The following RBFOX1 variants were observed in gnomAD, a reference collection of about 807,000 sequenced individuals.
RBFOX1 encodes RNA binding protein fox-1 homolog 1.
RBFOX1 carries 8 observed loss-of-function variants against 57.7 expected under a neutral mutation model. The observed-to-expected ratio is 0.14, with a 90% confidence interval of 0.08 to 0.25. The LOEUF (loss-of-function observed/expected upper bound fraction) is 0.25. Ranked by LOEUF, RBFOX1 falls within the 10% of genes least tolerant of loss-of-function variation. The probability of loss-of-function intolerance (pLI) is 1.00; values close to 1 mark genes in which losing one functional copy is unlikely to be tolerated. For synonymous variants in RBFOX1, 326 were observed against 222.4 expected, an observed-to-expected ratio of 1.47 and a Z score of -4.15; for missense variants, 611 against 548.5, an observed-to-expected ratio of 1.11 and a Z score of -1.14.
intron 1 of RBFOX1, among the ~76,000 whole-genome samples, chr16:6,310,580 TC>T (rs1208759562): frequency 3.9e-5 from 6 of 152,248 alleles, no homozygotes; most frequent in African/African-American, 1.4e-4. Context: ...AAACTGAAGC[TC>T]CAAGCGGTCA....
rs111595846 is a variant in RBFOX1 at position 6,632,834 on chromosome 16, G to A, written c.-63-21769G>A. Among the ~76,000 whole-genome samples the A allele has an allele frequency of 2.0e-3, 311 of 152,326 alleles. 6 individuals carry two copies. The highest frequency in any genetic ancestry group is 2.5e-3 in the Non-Finnish European group (168 of 68,034). ...CATTATATTTGCTATTACTGGAGCTGCTCTCTTTTCTTAAAACCTGTTAAC... is the reference window on the plus strand; with the variant it reads ...CATTATATTTGCTATTACTGGAGCTACTCTCTTTTCTTAAAACCTGTTAAC... On this transcript the variant is annotated intron_variant, in intron 2 of 15. Coordinates refer to ENST00000550418, the MANE Select transcript of RBFOX1 (RefSeq NM_018723.4).
intron 3 of RBFOX1, among the ~76,000 whole-genome samples, chr16:5,721,630 A>G (rs1390961029): frequency 1.3e-5 from 2 of 152,130 alleles, no homozygotes; most frequent in Non-Finnish European, 2.9e-5. Flanking sequence ...ATAATTTTGA[A>G]AACATTCTCT....
intron 3 of RBFOX1, among the ~76,000 whole-genome samples, chr16:6,923,078 C>G (rs2074834256): frequency 6.6e-6 from 1 of 152,318 alleles, no homozygotes; most frequent in Non-Finnish European, 1.5e-5. Context: ...GTTATTACCC[C>G]TAAGCCCAGA....
intron 4 of RBFOX1, among the ~76,000 whole-genome samples, chr16:5,944,790 T>TAACAAAAAAAAAAAAAAAA (rs2059360672): frequency 2.4e-5 from 1 of 41,258 alleles, no homozygotes; most frequent in African/African-American, 1.0e-4. Context: ...CTGTCTCTGC[T>TAACAAAAAAAAAAAAAAAA]AAAAAAAAAA....
intron 4 of RBFOX1, among the ~76,000 whole-genome samples, chr16:7,390,175 G>T (rs1410431707): frequency 6.6e-6 from 1 of 152,064 alleles, no homozygotes; most frequent in East Asian, 1.9e-4. Flanking sequence ...AACAGCAAGG[G>T]GGATGTTTGC....
At chr16:6,870,999 A>G (rs2060769416) in intron 3 of RBFOX1, among the ~76,000 whole-genome samples, 1 of 152,248 alleles carries the variant, frequency 6.6e-6, no homozygotes, top group Non-Finnish European at 1.5e-5. Flanking sequence ...TATCCAGTGA[A>G]TAACAGATGC....
chr16:7,183,927 C>A (rs1332360433), intron 4 of RBFOX1, among the ~76,000 whole-genome samples: 1 of 151,974 alleles, frequency 6.6e-6, no homozygotes, highest in East Asian at 1.9e-4. Context: ...AATTAATAAA[C>A]CAATAAAGAG....
chr16:6,649,537 C>T (rs1216708686), intron 2 of RBFOX1, among the ~76,000 whole-genome samples: 1 of 152,180 alleles, frequency 6.6e-6, no homozygotes, highest in African/African-American at 2.4e-5. Context: ...TCCCCTGAGT[C>T]CGCAAAGTCC....
chr16:6,260,179 A>C (rs539140645), intron 1 of RBFOX1, among the ~76,000 whole-genome samples: 1 of 152,170 alleles, frequency 6.6e-6, no homozygotes. Context: ...CCCATTGAAA[A>C]TAATTCTGTA....
chr16:6,415,172 G>A (rs959882677), intron 2 of RBFOX1, among the ~76,000 whole-genome samples: 1 of 149,244 alleles, frequency 6.7e-6, no homozygotes, highest in Non-Finnish European at 1.5e-5. Flanking sequence ...GAACCAGGGA[G>A]TCGGAGGTTG....
intron 3 of RBFOX1, among the ~76,000 whole-genome samples, chr16:6,978,642 C>G (rs562006561): frequency 1.3e-5 from 2 of 152,150 alleles, no homozygotes; most frequent in African/African-American, 2.4e-5. Flanking sequence ...TTTTAATGTC[C>G]TCATGATGAT....
chr16:6,280,450 C>A (rs2076258217), intron 1 of RBFOX1, among the ~76,000 whole-genome samples: 1 of 151,920 alleles, frequency 6.6e-6, no homozygotes, highest in South Asian at 2.1e-4. Context: ...AGATTGGAGA[C>A]AAGTTGGCAA....
intron 2 of RBFOX1, among the ~76,000 whole-genome samples, chr16:6,405,525 C>T (rs574271550): frequency 1.8e-4 from 27 of 152,256 alleles, no homozygotes; most frequent in African/African-American, 6.0e-4. Flanking sequence ...AATTGTACAC[C>T]AGCTGATCCA....
chr16:7,707,894 G>T lies in RBFOX1; in HGVS notation c.996-1162G>T, dbSNP rs144512824. Among the ~76,000 whole-genome samples, 25 of 152,236 alleles carry T rather than the reference G, an allele frequency of 1.6e-4. No homozygotes were observed. In the East Asian group the frequency reaches 4.4e-3, roughly 27 times the overall value. On this transcript the variant is annotated intron_variant, in intron 14 of 15. Transcript: ENST00000550418. ...CCCATTCGGTAAGTCACTTGCACAG[G>T]AATCTATTCCAGTATCAGCTTTCAA... is the stretch of plus-strand genomic sequence containing the variant.
At chr16:5,484,336 C>G (rs1269562080) in intron 2 of RBFOX1, among the ~76,000 whole-genome samples, 1 of 152,214 alleles carries the variant, frequency 6.6e-6, no homozygotes, top group East Asian at 1.9e-4. Flanking sequence ...ACAAACCCCT[C>G]CAGTAAGCAG....
chr16:7,534,233 C>T (rs1238005734), intron 5 of RBFOX1, among the ~76,000 whole-genome samples: 2 of 151,648 alleles, frequency 1.3e-5, no homozygotes, highest in African/African-American at 2.4e-5. Flanking sequence ...ATTACAGGCA[C>T]CCATCACCAC....
chr16:5,424,870 CTTTTT>C (rs1204007994), intron 1 of RBFOX1, among the ~76,000 whole-genome samples: 6 of 124,968 alleles, frequency 4.8e-5, no homozygotes, highest in Admixed American at 1.6e-4. Context: ...TTCTTTCTTT[CTTTTT>C]TTTCTTTCTT....
At chr16:6,485,236 C>T (rs762781985) in intron 2 of RBFOX1, among the ~76,000 whole-genome samples, 1 of 152,182 alleles carries the variant, frequency 6.6e-6, no homozygotes, top group Non-Finnish European at 1.5e-5. Flanking sequence ...ACGCTTCCCA[C>T]ACGTGTGATG....
At chr16:7,136,524 A>T (rs1233460845) in intron 4 of RBFOX1, among the ~76,000 whole-genome samples, 1 of 149,986 alleles carries the variant, frequency 6.7e-6, no homozygotes, top group South Asian at 2.1e-4. Context: ...TTCTAACCTC[A>T]TCCGCTCGAG....
Sources: allele counts gnomAD v4.1 joint callset (sites outside exome capture counted in the v4.1 genomes callset), GRCh38; gene constraint gnomAD v4.1.1; transcripts MANE v1.5; gene names NCBI Gene and HGNC (gene_info 2026-07-23, HGNC 2026-07-21).